The following EYS variants were observed in gnomAD, a reference collection of about 807,000 sequenced individuals.
The protein encoded by EYS is protein eyes shut homolog.
EYS carries 250 observed loss-of-function variants against 282.1 expected under a neutral mutation model. The ratio of observed to expected loss-of-function variants is 0.89; its 90% CI spans 0.80 to 0.98. The LOEUF (loss-of-function observed/expected upper bound fraction) is 0.98. Among genes scored for constraint, EYS ranks in the 50% least tolerant of loss-of-function variants. EYS has a pLI of 0.00. For synonymous variants in EYS, 1,355 were observed against 1,282.9 expected (o/e 1.06, Z -1.20); for missense variants, 4,016 against 3,709.0 (o/e 1.08, Z -2.15).
chr6:64,211,827 A>G (rs1765784051), intron 31 of EYS, among the ~76,000 whole-genome samples: 1 of 151,704 alleles, frequency 6.6e-6, no homozygotes, highest in Admixed American at 6.6e-5. Flanking sequence ...CAAAAAGAAT[A>G]TAGTTTGGCC....
At chr6:65,649,182 T>C (rs372295707) in intron 1 of EYS, among the ~76,000 whole-genome samples, 1 of 127,632 alleles carries the variant, frequency 7.8e-6, no homozygotes, top group Non-Finnish European at 1.8e-5. Flanking sequence ...ACTTAAACAA[T>C]AAAAATTGAC....
intron 33 of EYS, among the ~76,000 whole-genome samples, chr6:64,048,084 T>G (rs1770688118): frequency 6.6e-6 from 1 of 152,076 alleles, no homozygotes; most frequent in Non-Finnish European, 1.5e-5. Context: ...TTTTGTATTT[T>G]TGGTAGAAAC....
At chr6:65,248,152 A>T (rs1388411477) in intron 12 of EYS, among the ~76,000 whole-genome samples, 3 of 151,996 alleles carry the variant, frequency 2.0e-5, no homozygotes, top group African/African-American at 7.2e-5. Context: ...GCTCTCAGAC[A>T]TTTATGTGAT....
At chr6:64,287,174 C>A (rs2150363977) in intron 30 of EYS, among the ~76,000 whole-genome samples, 1 of 152,158 alleles carries the variant, frequency 6.6e-6, no homozygotes, top group South Asian at 2.1e-4. Flanking sequence ...CTCTGGTTTG[C>A]CTTAATTAAG....
At chr6:65,167,594 A>G (rs1765004424) in intron 12 of EYS, among the ~76,000 whole-genome samples, 1 of 151,280 alleles carries the variant, frequency 6.6e-6, no homozygotes, top group Admixed American at 6.6e-5. Context: ...ATGGATTAAA[A>G]GATAGAAGGA....
intron 2 of EYS, among the ~76,000 whole-genome samples, chr6:65,521,109 T>C (rs58641223): frequency 0.01 from 1,588 of 152,232 alleles, 34 homozygotes; most frequent in African/African-American, 0.036. Context: ...AAGAGAAAAA[T>C]ATAGTTTGTT....
chr6:65,027,816 T>C (rs1163290857), intron 13 of EYS, among the ~76,000 whole-genome samples: 2 of 152,186 alleles, frequency 1.3e-5, no homozygotes, highest in African/African-American at 4.8e-5. Context: ...GCATGTTGTT[T>C]GTTTGCATTT....
chr6:64,558,550 CA>C (rs148137357), intron 26 of EYS, among the ~76,000 whole-genome samples: 4 of 151,418 alleles, frequency 2.6e-5, no homozygotes, highest in South Asian at 4.2e-4. Context: ...ACAACAACAA[CA>C]AAAAAAACAC....
chr6:65,141,055 C>G (rs559553242), intron 12 of EYS, among the ~76,000 whole-genome samples: 2 of 151,532 alleles, frequency 1.3e-5, no homozygotes, highest in African/African-American at 2.4e-5. Context: ...ATGTTTATTG[C>G]GGCACTATTC....
intron 22 of EYS, among the ~76,000 whole-genome samples, chr6:64,634,015 G>A (rs533597899): frequency 6.6e-6 from 1 of 152,250 alleles, no homozygotes; most frequent in East Asian, 1.9e-4. Flanking sequence ...ATAGAGTCGT[G>A]CTCTGACATC....
chr6:65,469,322 GAAAACGTTT>G (rs1321795615), intron 5 of EYS, among the ~76,000 whole-genome samples: 2 of 152,058 alleles, frequency 1.3e-5, no homozygotes, highest in East Asian at 3.9e-4. Context: ...AGTTCAAACT[GAAAACGTTT>G]AAAACAACAT....
intron 19 of EYS, among the ~76,000 whole-genome samples, chr6:64,863,429 G>A (rs1766312109): frequency 6.6e-6 from 1 of 152,046 alleles, no homozygotes; most frequent in Non-Finnish European, 1.5e-5. Flanking sequence ...TCTATTATCT[G>A]TTTTACTTCC....
At chr6:63,902,747 G>T (rs114931982) in intron 35 of EYS, among the ~76,000 whole-genome samples, 50 of 151,990 alleles carry the variant, frequency 3.3e-4, no homozygotes, top group African/African-American at 1.1e-3. Flanking sequence ...AAATCCAAAA[G>T]GGAATTCAAA....
chr6:65,123,758 C>CCACACA (rs34701707), intron 12 of EYS, among the ~76,000 whole-genome samples: 5,945 of 147,016 alleles, frequency 0.04, 155 homozygotes, highest in Middle Eastern at 0.072. Context: ...ACCCACCCAC[C>CCACACA]CACACACACA....
chr6:64,883,339 G>A (rs185486195), intron 19 of EYS, among the ~76,000 whole-genome samples: 1 of 151,346 alleles, frequency 6.6e-6, no homozygotes, highest in Non-Finnish European at 1.5e-5. Flanking sequence ...TTATTATTCT[G>A]AACTATTGAA....
chr6:65,392,687 G>A (rs1766094447), intron 7 of EYS, among the ~76,000 whole-genome samples: 1 of 152,032 alleles, frequency 6.6e-6, no homozygotes, highest in Admixed American at 6.6e-5. Context: ...TAATGGAGAG[G>A]ATGTGGAGAA....
intron 12 of EYS, among the ~76,000 whole-genome samples, chr6:65,150,662 A>G (rs946793155): frequency 6.6e-6 from 1 of 150,990 alleles, no homozygotes. Context: ...TGATTTGTAG[A>G]CTTTTTCTTA....
At chr6:63,901,488 G>A (rs115886867) in intron 35 of EYS, among the ~76,000 whole-genome samples, 1,603 of 152,218 alleles carry the variant, frequency 0.011, 35 homozygotes, top group African/African-American at 0.037. Flanking sequence ...TTTTCAAATC[G>A]TATGAAGAAT....
intron 26 of EYS, among the ~76,000 whole-genome samples, chr6:64,516,106 G>C (rs1321558323): frequency 6.6e-6 from 1 of 151,688 alleles, no homozygotes; most frequent in Non-Finnish European, 1.5e-5. Context: ...AAGTATTGAA[G>C]ATCAAAGACA....
Sources: gnomAD v4.1 joint callset for allele counts (sites outside exome capture counted in the v4.1 genomes callset) on GRCh38, gnomAD v4.1.1 for gene constraint, MANE v1.5 for transcripts, NCBI Gene and HGNC (gene_info 2026-07-23, HGNC 2026-07-21) for gene names.